Variants in SAFB observed in about 807,000 individuals in gnomAD.
The protein encoded by SAFB is scaffold attachment factor B1.
SAFB carries 15 observed loss-of-function variants against 101.6 expected under a neutral mutation model. The ratio of observed to expected loss-of-function variants is 0.15; its 90% CI spans 0.10 to 0.23. SAFB has a LOEUF of 0.23. SAFB is among the 10% of genes least tolerant of loss of function. The pLI, the probability that SAFB is intolerant of heterozygous loss-of-function variation, is 1.00. For synonymous variants in SAFB, 449 were observed against 407.5 expected (o/e 1.10, Z -1.23); for missense variants, 930 against 1,104.1 (o/e 0.84, Z 2.23).
At chr19:5,637,237 G>C (rs1036779158) in intron 2 of SAFB, among the ~76,000 whole-genome samples, 1 of 151,094 alleles carries the variant, frequency 6.6e-6, no homozygotes, top group African/African-American at 2.4e-5. Context: ...CCAGCTACTC[G>C]GGAGGCTGAG....
At chr19:5,642,843 T>C (rs1399513325) in intron 4 of SAFB, among the ~76,000 whole-genome samples, 2 of 151,858 alleles carry the variant, frequency 1.3e-5, no homozygotes, top group Non-Finnish European at 2.9e-5. Flanking sequence ...TTTTCTTGTA[T>C]CTTTAGTAGA....
At chr19:5,625,014 T>C (rs2053324989) in intron 1 of SAFB, among the ~76,000 whole-genome samples, 2 of 152,184 alleles carry the variant, frequency 1.3e-5, no homozygotes, top group Admixed American at 1.3e-4. Context: ...GTCAAGCTGG[T>C]GACTGAGACT....
At chr19:5,627,569 A>G (rs1179392259) in intron 2 of SAFB, among the ~76,000 whole-genome samples, 1 of 152,212 alleles carries the variant, frequency 6.6e-6, no homozygotes, top group East Asian at 1.9e-4. Flanking sequence ...AGCAGCTTAT[A>G]CAGTAAAAGT....
intron 2 of SAFB, among the ~76,000 whole-genome samples, chr19:5,634,954 A>G (rs967289314): frequency 2.0e-4 from 30 of 152,084 alleles, no homozygotes; most frequent in African/African-American, 9.7e-5. Context: ...CCTGGCCAAC[A>G]TGGAGAAACC....
intron 2 of SAFB, among the ~76,000 whole-genome samples, chr19:5,629,110 G>A (rs895554798): frequency 2.0e-5 from 3 of 152,144 alleles, no homozygotes; most frequent in African/African-American, 7.2e-5. Flanking sequence ...TTTAAAATAC[G>A]TGCATGGGAG....
intron 2 of SAFB, among the ~76,000 whole-genome samples, chr19:5,641,070 A>T (rs2145427850): frequency 6.6e-6 from 1 of 151,892 alleles, no homozygotes; most frequent in South Asian, 2.1e-4. Context: ...GGGTTTCACC[A>T]TGTTTTCCAG....
At chr19:5,653,502 T>A in intron 11 of SAFB, 82 bp downstream of exon 11, 1 of 1,250,964 alleles carries the variant, frequency 8.0e-7, no homozygotes. Context: ...AGTCGCGCTC[T>A]GTCGCCCAGA....
At chr19:5,660,552 T>C (rs1235404260) in intron 14 of SAFB, among the ~76,000 whole-genome samples, 1 of 151,510 alleles carries the variant, frequency 6.6e-6, no homozygotes, top group Non-Finnish European at 1.5e-5. Flanking sequence ...CCAGGCTGTA[T>C]ATCTATAACT....
Position 5,635,068 on chromosome 19 carries a change from G to A in SAFB, c.275-6526G>A, listed in dbSNP as rs142092847. On this transcript the variant is annotated intron_variant, in intron 2 of 20. Coordinates refer to ENST00000588852, the MANE Select transcript of SAFB (RefSeq NM_001201338.2). Reference sequence around the variant, plus strand: ...CAGGAGAATCACTTGAACCCAGGAGGCGGAGGTTCCGGTGAGCCGAGATCA... The same window carrying A: ...CAGGAGAATCACTTGAACCCAGGAGACGGAGGTTCCGGTGAGCCGAGATCA... Among the ~76,000 whole-genome samples, 107 of 152,210 alleles carry A rather than the reference G, an allele frequency of 7.0e-4. 1 individual carries two copies. Among genetic ancestry groups the A allele is most frequent in the Middle Eastern group, 3.4e-3 (1 of 294 alleles).
In SAFB at chr19:5,636,186, T is replaced by C. The variant is rs966991449; in HGVS notation, c.275-5408T>C. Among the ~76,000 whole-genome samples the C allele has an allele frequency of 3.3e-5, 5 of 152,046 alleles. No homozygotes were observed. In the East Asian group the frequency reaches 9.6e-4, roughly 29 times the overall value. On this transcript the variant is annotated intron_variant, in intron 2 of 20. Transcript: ENST00000588852. ...AGAAGTGGAAAACCCTGATTCTGTT[T>C]GATGAAAATCTAGTACCCCTCCTGA... is the stretch of plus-strand genomic sequence containing the variant.
chr19:5,654,579 A>T, intron 13 of SAFB, 123 bp downstream of exon 13: 1 of 720,740 alleles, frequency 1.4e-6, no homozygotes, highest in Non-Finnish European at 2.5e-6. Context: ...TCGAAAATGT[A>T]GAAATCTCAA....
chr19:5,657,435 G>A, intron 14 of SAFB, 88 bp downstream of exon 14: 1 of 877,050 alleles, frequency 1.1e-6, no homozygotes, highest in Non-Finnish European at 1.8e-6. Flanking sequence ...AGTTCCCTGG[G>A]GTGGGATAGA....
intron 13 of SAFB, among the ~76,000 whole-genome samples, chr19:5,656,254 ATTTT>A (rs2054056736): frequency 1.3e-5 from 2 of 151,700 alleles, no homozygotes; most frequent in South Asian, 4.2e-4. Context: ...TCATTTTTTT[ATTTT>A]ATTATTTATT....
At chr19:5,624,687 A>ATTTTTTTTTTTTTT (rs35651330) in intron 1 of SAFB, among the ~76,000 whole-genome samples, 1 of 121,586 alleles carries the variant, frequency 8.2e-6, no homozygotes, top group Non-Finnish European at 1.8e-5. Flanking sequence ...AGAAGTAGGG[A>ATTTTTTTTTTTTTT]TTTTTTTTTT....
intron 2 of SAFB, among the ~76,000 whole-genome samples, chr19:5,640,133 G>A (rs899096730): frequency 1.3e-5 from 2 of 151,922 alleles, no homozygotes; most frequent in Non-Finnish European, 2.9e-5. Flanking sequence ...GATTACAGGC[G>A]TGAGCCACCG....
chr19:5,658,256 C>T (rs2054110322), intron 14 of SAFB, among the ~76,000 whole-genome samples: 1 of 152,180 alleles, frequency 6.6e-6, no homozygotes, highest in Non-Finnish European at 1.5e-5. Flanking sequence ...CCTCGGCCTC[C>T]CAAAGTGCAG....
chr19:5,658,759 CG>C (rs558313070), intron 14 of SAFB, among the ~76,000 whole-genome samples: 296 of 150,980 alleles, frequency 2.0e-3, no homozygotes, highest in Middle Eastern at 3.4e-3. Context: ...AGGAGAATGG[CG>C]TGAACCCGGG....
chr19:5,625,258 A>G (rs3760767), intron 1 of SAFB, among the ~76,000 whole-genome samples: 54,983 of 152,022 alleles, frequency 0.36, 10,606 homozygotes, highest in East Asian at 0.75. Flanking sequence ...CAAAAAGGGG[A>G]AACAGGACAC....
In SAFB at chr19:5,650,039, G is replaced by A. The variant is rs2145449326; in HGVS notation, c.1198+64G>A. 2.3e-6 allele frequency: 3 copies of A among 1,307,642 alleles called. No individual in the cohort carries two copies. In the East Asian group the frequency reaches 6.9e-5, roughly 30 times the overall value. 81.0% of individuals were successfully genotyped at this position (1,307,642 alleles called of 1,614,324 possible). A position where few individuals can be genotyped will look rare whatever the true frequency, so the allele number is the denominator to read the frequency against. ...ATGGCCTGGGCAGTGGCGGGTATTT[G>A]ATTCTGGTTCATCGCGTGCTATGCT... is the stretch of plus-strand genomic sequence containing the variant. On this transcript the variant is annotated intron_variant, in intron 8 of 20. Coordinates refer to ENST00000588852, the MANE Select transcript of SAFB (RefSeq NM_001201338.2).
Sources: gnomAD v4.1 joint callset for allele counts (sites outside exome capture counted in the v4.1 genomes callset) on GRCh38, gnomAD v4.1.1 for gene constraint, MANE v1.5 for transcripts, NCBI Gene and HGNC (gene_info 2026-07-23, HGNC 2026-07-21) for gene names.